SIPA1L1: variants seen among roughly 807,000 people sequenced by gnomAD.
SIPA1L1 encodes signal induced proliferation associated 1 like 1.
A neutral mutation model predicts 162.7 loss-of-function variants in SIPA1L1; 26 were observed. The ratio of observed to expected loss-of-function variants is 0.16; its 90% CI spans 0.12 to 0.22. The LOEUF (loss-of-function observed/expected upper bound fraction) is 0.22, where lower values mean the gene tolerates loss of function less well. Among genes scored for constraint, SIPA1L1 ranks in the 10% least tolerant of loss-of-function variants. The pLI is 1.00. For missense variants in SIPA1L1, 1,874 were observed against 2,241.0 expected, an observed-to-expected ratio of 0.84 and a Z score of 3.31; for synonymous variants, 829 against 837.4, an observed-to-expected ratio of 0.99 and a Z score of 0.17.
chr14:71,732,309 C>T (rs190965704), intron 20 of SIPA1L1, among the ~76,000 whole-genome samples: 105 of 152,322 alleles, frequency 6.9e-4, no homozygotes, highest in Non-Finnish European at 1.0e-3. Context: ...TCTAGCTGAG[C>T]ATTTAGCTTT....
intron 2 of SIPA1L1, among the ~76,000 whole-genome samples, chr14:71,485,099 T>C (rs1317103054): frequency 6.6e-6 from 1 of 152,172 alleles, no homozygotes; most frequent in East Asian, 1.9e-4. Flanking sequence ...AGAGGTACAA[T>C]AACGTTTCCA....
chr14:71,497,414 ACTTT>A (rs2049877201), intron 2 of SIPA1L1, among the ~76,000 whole-genome samples: 1 of 152,086 alleles, frequency 6.6e-6, no homozygotes, highest in Admixed American at 6.5e-5. Flanking sequence ...GATTTTTGTG[ACTTT>A]CATTATAATA....
chr14:71,444,161 A>G (rs998987285), intron 2 of SIPA1L1, among the ~76,000 whole-genome samples: 3 of 152,200 alleles, frequency 2.0e-5, no homozygotes, highest in African/African-American at 7.2e-5. Context: ...GTTACCCTGA[A>G]GTCTAGTTTC....
At chr14:71,375,813 CTA>C (rs2039321524) in intron 2 of SIPA1L1, among the ~76,000 whole-genome samples, 1 of 152,042 alleles carries the variant, frequency 6.6e-6, no homozygotes, top group Non-Finnish European at 1.5e-5. Flanking sequence ...TTTTCTGTGT[CTA>C]TTAGACTGAT....
chr14:71,428,726 G>A (rs989433915), intron 2 of SIPA1L1, among the ~76,000 whole-genome samples: 2 of 152,226 alleles, frequency 1.3e-5, no homozygotes, highest in Non-Finnish European at 2.9e-5. Context: ...TTTGTGATCA[G>A]AAGCAGCAGT....
At chr14:71,572,557 C>T (rs1049733240) in intron 4 of SIPA1L1, among the ~76,000 whole-genome samples, 2 of 152,114 alleles carry the variant, frequency 1.3e-5, no homozygotes, top group South Asian at 2.1e-4. Flanking sequence ...AAGGAACTGT[C>T]AGGATGGTGA....
Position 71,709,266 on chromosome 14 carries a change from C to T in SIPA1L1, c.3810C>T (p.Ser1270=), listed in dbSNP as rs1597141816. Residue 1270 remains serine (S), a synonymous_variant, in exon 17 of 24, where the codon TCC becomes TCT. Coordinates refer to ENST00000381232, the MANE Select transcript of SIPA1L1 (RefSeq NM_001386936.1). ...YSSHSSSNTL[S]SNASSAHSDE... ...GCCACTCCAGTAGCAATACTCTCTC[C>T]AGCAATGCGTCAAGTGCCCATAGTG... is the stretch of plus-strand genomic sequence containing the variant. The T allele has an allele frequency of 3.7e-6, 6 of 1,614,172 alleles. No homozygotes were observed. The East Asian group carries it at 1.3e-4, about 36-fold the overall frequency.
intron 2 of SIPA1L1, among the ~76,000 whole-genome samples, chr14:71,412,608 G>A (rs774828748): frequency 6.6e-6 from 1 of 152,142 alleles, no homozygotes; most frequent in Non-Finnish European, 1.5e-5. Flanking sequence ...TAAAAGGTGG[G>A]AGGCCTAATG....
intron 2 of SIPA1L1, among the ~76,000 whole-genome samples, chr14:71,354,281 C>A (rs990944013): frequency 3.6e-5 from 5 of 137,732 alleles, no homozygotes; most frequent in African/African-American, 1.3e-4. Flanking sequence ...TCATTTGTTT[C>A]TTTTTTTTTT....
intron 4 of SIPA1L1, among the ~76,000 whole-genome samples, chr14:71,546,634 G>C (rs912911896): frequency 4.0e-5 from 6 of 151,796 alleles, no homozygotes; most frequent in Admixed American, 3.9e-4. Context: ...TACCGTGCCC[G>C]GCCTGCATTC....
chr14:71,661,640 T>C (rs140248698), intron 10 of SIPA1L1, among the ~76,000 whole-genome samples, 173 bp downstream of exon 10: 9 of 152,348 alleles, frequency 5.9e-5, no homozygotes, highest in African/African-American at 1.9e-4. Flanking sequence ...TCTGGTGGCA[T>C]TGACATTACC....
At chr14:71,363,264 T>C (rs1314406377) in intron 2 of SIPA1L1, among the ~76,000 whole-genome samples, 1 of 152,210 alleles carries the variant, frequency 6.6e-6, no homozygotes, top group Non-Finnish European at 1.5e-5. Context: ...GTTCTGGGTA[T>C]GAGAAGACTG....
At chr14:71,363,592 A>C (rs2038005708) in intron 2 of SIPA1L1, among the ~76,000 whole-genome samples, 1 of 152,156 alleles carries the variant, frequency 6.6e-6, no homozygotes, top group Non-Finnish European at 1.5e-5. Context: ...AGGATGCTTA[A>C]TTTTCAAGCT....
chr14:71,491,468 T>C (rs1328608766), intron 2 of SIPA1L1, among the ~76,000 whole-genome samples: 1 of 152,170 alleles, frequency 6.6e-6, no homozygotes. Flanking sequence ...ACATATGAAC[T>C]GTAATCAGTG....
chr14:71,661,609 T>C, intron 10 of SIPA1L1, 142 bp downstream of exon 10: 2 of 815,976 alleles, frequency 2.5e-6, no homozygotes, highest in South Asian at 2.2e-5. Context: ...TGCGGATGGC[T>C]GAATTCACAT....
chr14:71,456,626 A>G (rs542435140), intron 2 of SIPA1L1, among the ~76,000 whole-genome samples: 55 of 152,230 alleles, frequency 3.6e-4, no homozygotes, highest in Admixed American at 7.9e-4. Flanking sequence ...TTGGCTTATT[A>G]TTACAGAAGA....
chr14:71,409,420 G>C (rs981772043), intron 2 of SIPA1L1, among the ~76,000 whole-genome samples: 1 of 152,170 alleles, frequency 6.6e-6, no homozygotes, highest in Admixed American at 6.5e-5. Flanking sequence ...ATCACAGGTA[G>C]GGAAGGCATT....
intron 2 of SIPA1L1, among the ~76,000 whole-genome samples, chr14:71,373,195 C>T (rs535725399): frequency 1.3e-3 from 200 of 151,636 alleles, no homozygotes; most frequent in African/African-American, 4.1e-3. Flanking sequence ...CCTGTAGTCC[C>T]GGCTACTCGG....
intron 2 of SIPA1L1, among the ~76,000 whole-genome samples, chr14:71,360,915 C>T (rs950027740): frequency 3.9e-5 from 6 of 152,060 alleles, no homozygotes; most frequent in African/African-American, 1.4e-4. Flanking sequence ...TGCCATTCTT[C>T]GTAAGGGTAG....
Sources: gnomAD v4.1 joint callset for allele counts (sites outside exome capture counted in the v4.1 genomes callset) on GRCh38, gnomAD v4.1.1 for gene constraint, MANE v1.5 for transcripts, NCBI Gene and HGNC (gene_info 2026-07-23, HGNC 2026-07-21) for gene names.